Variants in CADM1 observed in about 807,000 individuals in gnomAD.
CADM1 encodes the protein cell adhesion molecule 1, also known as TSLC-1.
Under a neutral mutation model 53.1 loss-of-function variants are expected in CADM1, and 15 were observed. That is an observed-to-expected ratio of 0.28 (90% confidence interval 0.19 to 0.44). CADM1 has a LOEUF of 0.44. Among genes scored for constraint, CADM1 ranks in the 20% least tolerant of loss-of-function variants. The pLI is 1.00. For missense variants in CADM1, 434 were observed against 611.3 expected (o/e 0.71, Z 3.06); for synonymous variants, 281 against 243.0 (o/e 1.16, Z -1.45).
chr11:115,281,686 G>A (rs979422663), intron 1 of CADM1, among the ~76,000 whole-genome samples: 4 of 151,946 alleles, frequency 2.6e-5, no homozygotes, highest in Admixed American at 2.6e-4. Context: ...TCAGATCCAG[G>A]GCAAATATGC....
rs370060416 is a variant in CADM1, at chr11:115,248,806, G to A, written c.125-8386C>T. On this transcript the variant is annotated intron_variant, in intron 1 of 11. Coordinates refer to ENST00000331581, the MANE Select transcript of CADM1 (RefSeq NM_001301043.2). ...ACTAAAAGAGAGAGAAAAAAATCGA[G>A]CCCCCAAAGTAGAAAAGCCACTATT... Among the ~76,000 whole-genome samples the A allele has an allele frequency of 2.3e-4, 35 of 152,274 alleles. No homozygotes were observed. The South Asian group carries it at 3.9e-3, about 17-fold the overall frequency.
chr11:115,420,512 C>T (rs1947726947), intron 1 of CADM1, among the ~76,000 whole-genome samples: 1 of 152,186 alleles, frequency 6.6e-6, no homozygotes, highest in South Asian at 2.1e-4. Flanking sequence ...TGTTTCCACC[C>T]TCCTCATCCA....
chr11:115,480,197 A>T (rs982290799), intron 1 of CADM1, among the ~76,000 whole-genome samples: 1 of 152,204 alleles, frequency 6.6e-6, no homozygotes, highest in African/African-American at 2.4e-5. Flanking sequence ...GAATACTGTT[A>T]TACCTGCTTG....
chr11:115,214,661 T>C lies in CADM1; in HGVS notation c.941A>G (p.Glu314Gly). 1 of 1,614,072 alleles carries C rather than the reference T, an allele frequency of 6.2e-7. No homozygotes were observed. ...NKTDNGTYRCEASNIVGKAHS... is the reference protein window; with the variant it reads ...NKTDNGTYRCGASNIVGKAHS... ...AGCTTTCCCCACTATGTTTGAAGCT[T>C]CACAGCGGTATGTACCATTATCTGT... The change falls in exon 7 of 12, where the codon GAA (glutamate) becomes GGA (glycine). Residue 314 changes from glutamate to glycine, a missense_variant. By Grantham distance (98) the Glu-to-Gly change is moderately conservative. Around this residue, in one of 4 missense-constraint regions of CADM1, gnomAD observed 311 missense variants for 435.1 expected, o/e 0.71. Coordinates refer to ENST00000331581, the MANE Select transcript of CADM1 (RefSeq NM_001301043.2).
At chr11:115,479,821 G>A (rs1019237868) in intron 1 of CADM1, among the ~76,000 whole-genome samples, 1 of 152,100 alleles carries the variant, frequency 6.6e-6, no homozygotes, top group Non-Finnish European at 1.5e-5. Context: ...TCTTGTCTAG[G>A]CTAAGGACAT....
intron 1 of CADM1, among the ~76,000 whole-genome samples, chr11:115,362,661 GCAGAGA>G (rs760720504): frequency 9.2e-5 from 14 of 152,016 alleles, no homozygotes; most frequent in Non-Finnish European, 1.8e-4. Flanking sequence ...GCAGATCTTG[GCAGAGA>G]CAGATGGCCT....
chr11:115,443,889 C>T (rs1948386933), intron 1 of CADM1, among the ~76,000 whole-genome samples: 1 of 152,134 alleles, frequency 6.6e-6, no homozygotes, highest in Non-Finnish European at 1.5e-5. Flanking sequence ...GCTATGGGAG[C>T]ACGACTTTTG....
At chr11:115,277,324 G>T (rs890158616) in intron 1 of CADM1, among the ~76,000 whole-genome samples, 34 of 152,176 alleles carry the variant, frequency 2.2e-4, no homozygotes, top group African/African-American at 6.5e-4. Flanking sequence ...TCCCTGAAAT[G>T]CATGCTAAAG....
chr11:115,393,219 CAA>C (rs1395225882), intron 1 of CADM1, among the ~76,000 whole-genome samples: 1 of 149,054 alleles, frequency 6.7e-6, no homozygotes, highest in Non-Finnish European at 1.5e-5. Context: ...TAAATAAAAA[CAA>C]GAAGAGTCTA....
intron 1 of CADM1, among the ~76,000 whole-genome samples, chr11:115,359,211 C>T (rs1945963385): frequency 6.6e-6 from 1 of 152,058 alleles, no homozygotes; most frequent in African/African-American, 2.4e-5. Flanking sequence ...AGCTGAGTGG[C>T]CAAGTATATC....
chr11:115,280,637 T>C (rs1943561603), intron 1 of CADM1, among the ~76,000 whole-genome samples: 1 of 152,162 alleles, frequency 6.6e-6, no homozygotes, highest in Non-Finnish European at 1.5e-5. Flanking sequence ...TCACATTGTA[T>C]ACAAATCAAA....
intron 1 of CADM1, among the ~76,000 whole-genome samples, chr11:115,373,635 G>C (rs1177428000): frequency 6.9e-6 from 1 of 145,876 alleles, no homozygotes; most frequent in African/African-American, 2.5e-5. Context: ...AAAGAATGTG[G>C]ACAATCAACA....
Position 115,262,111 on chromosome 11 carries a change from T to A in CADM1, c.125-21691A>T, listed in dbSNP as rs1182427552. 2.6e-5 allele frequency among the ~76,000 whole-genome samples: 4 copies of A among 151,892 alleles called. No individual in the cohort carries two copies. The East Asian group carries it at 7.7e-4, about 29-fold the overall frequency. On this transcript the variant is annotated intron_variant, in intron 1 of 11. Coordinates refer to ENST00000331581, the MANE Select transcript of CADM1 (RefSeq NM_001301043.2). ...TCAGTTTTTTTAAATCACAGCAGCA[T>A]GTATATATTTTGTGTCACACTTTTT...
chr11:115,456,423 C>A (rs1948685563), intron 1 of CADM1, among the ~76,000 whole-genome samples: 1 of 151,626 alleles, frequency 6.6e-6, no homozygotes, highest in African/African-American at 2.4e-5. Context: ...ATTACAGTCA[C>A]AAGTGACATA....
intron 1 of CADM1, among the ~76,000 whole-genome samples, chr11:115,327,192 A>G (rs1944980044): frequency 6.6e-6 from 1 of 152,118 alleles, no homozygotes; most frequent in Non-Finnish European, 1.5e-5. Context: ...TCTCTACTCC[A>G]TGACATAAGC....
At chr11:115,291,270 CTT>C (rs1399326896) in intron 1 of CADM1, among the ~76,000 whole-genome samples, 1 of 152,128 alleles carries the variant, frequency 6.6e-6, no homozygotes, top group Non-Finnish European at 1.5e-5. Context: ...TGAATTTTCT[CTT>C]TGTGTGACAG....
At chr11:115,184,358 C>T (rs182657551) in intron 10 of CADM1, among the ~76,000 whole-genome samples, 59 of 152,280 alleles carry the variant, frequency 3.9e-4, no homozygotes, top group Non-Finnish European at 4.6e-4. Context: ...GAATGGCATG[C>T]GCTGACAAAA....
intron 1 of CADM1, among the ~76,000 whole-genome samples, chr11:115,469,547 G>A (rs1948965439): frequency 1.3e-5 from 2 of 151,848 alleles, no homozygotes; most frequent in African/African-American, 4.8e-5. Flanking sequence ...ACTGTAAATT[G>A]TCTACATGCA....
chr11:115,437,862 G>A lies in CADM1; in HGVS notation c.124+66409C>T, dbSNP rs577035761. Among the ~76,000 whole-genome samples the A allele has an allele frequency of 7.9e-5, 12 of 152,302 alleles. No homozygotes were observed. In the South Asian group the frequency reaches 2.3e-3, roughly 29 times the overall value. ...CAAGGCAGAGGAAAGGGGAGAATTTGAGGAAGTGTTTCTATTCTCAACCAA... is the reference window on the plus strand; with the variant it reads ...CAAGGCAGAGGAAAGGGGAGAATTTAAGGAAGTGTTTCTATTCTCAACCAA... On this transcript the variant is annotated intron_variant, in intron 1 of 11. Coordinates refer to ENST00000331581, the MANE Select transcript of CADM1 (RefSeq NM_001301043.2).
Sources: allele counts gnomAD v4.1 joint callset (sites outside exome capture counted in the v4.1 genomes callset), GRCh38; gene constraint gnomAD v4.1.1; regional missense constraint gnomAD v4.1.1; transcripts MANE v1.5; gene names NCBI Gene and HGNC (gene_info 2026-07-23, HGNC 2026-07-21).